TENM3: variants seen among roughly 807,000 people sequenced by gnomAD.
The protein encoded by TENM3 is teneurin-3.
TENM3 carries 63 observed loss-of-function variants against 255.1 expected under a neutral mutation model. The observed-to-expected ratio is 0.25, with a 90% CI of 0.20 to 0.30. TENM3 has a LOEUF of 0.30. Among genes scored for constraint, TENM3 ranks in the 10% least tolerant of loss-of-function variants. TENM3 has a pLI of 1.00. For missense variants in TENM3, 2,929 were observed against 3,461.1 expected, an observed-to-expected ratio of 0.85 and a Z score of 3.86; for synonymous variants, 1,306 against 1,322.3, an observed-to-expected ratio of 0.99 and a Z score of 0.27.
At chr4:181,693,877 C>A in the TENM3 span, among the ~76,000 whole-genome samples, 4 of 152,120 alleles carry the variant, frequency 2.6e-5, no homozygotes, top group Admixed American at 1.3e-4. Context: ...GATAAACCTA[C>A]GTGGACCTAG....
At chr4:182,108,254 G>A in the TENM3 span, among the ~76,000 whole-genome samples, 3 of 152,238 alleles carry the variant, frequency 2.0e-5, no homozygotes, top group Non-Finnish European at 2.9e-5. Context: ...TATAGAAAAC[G>A]TTTATCTGCT....
chr4:181,658,423 A>G, the TENM3 span, among the ~76,000 whole-genome samples: 1 of 152,206 alleles, frequency 6.6e-6, no homozygotes, highest in East Asian at 1.9e-4. Context: ...TCTCAAGTGT[A>G]CTGGGGCAAC....
chr4:182,035,784 C>T, the TENM3 span, among the ~76,000 whole-genome samples: 32 of 152,228 alleles, frequency 2.1e-4, no homozygotes, highest in Admixed American at 1.7e-3. Flanking sequence ...AACATGATGA[C>T]GATGTCTCCT....
At chr4:181,491,571 G>A in the TENM3 span, among the ~76,000 whole-genome samples, 1 of 151,954 alleles carries the variant, frequency 6.6e-6, no homozygotes, top group Admixed American at 6.6e-5. Flanking sequence ...GTAAGGAACA[G>A]GTAGTATTTC....
chr4:181,885,228 A>C, the TENM3 span, among the ~76,000 whole-genome samples: 2 of 152,196 alleles, frequency 1.3e-5, no homozygotes, highest in African/African-American at 4.8e-5. Context: ...CTAAGCAAAA[A>C]CTATACAAAA....
chr4:182,536,231 G>A (rs1740299066), intron 3 of TENM3, among the ~76,000 whole-genome samples: 1 of 152,236 alleles, frequency 6.6e-6, no homozygotes, highest in African/African-American at 2.4e-5. Context: ...GGGGCAACCA[G>A]TGTCAACTGG....
At chr4:182,628,119 T>C (rs945289454) in intron 4 of TENM3, among the ~76,000 whole-genome samples, 2 of 152,178 alleles carry the variant, frequency 1.3e-5, no homozygotes, top group Non-Finnish European at 2.9e-5. Flanking sequence ...ATAGTACTTA[T>C]TAGCAGAGAA....
the TENM3 span, among the ~76,000 whole-genome samples, chr4:181,456,366 C>T: frequency 6.6e-6 from 1 of 151,678 alleles, no homozygotes; most frequent in Admixed American, 6.6e-5. Flanking sequence ...AGTTCTTAAC[C>T]GATTTGTTCT....
At chr4:182,125,975 C>T in the TENM3 span, among the ~76,000 whole-genome samples, 2 of 151,858 alleles carry the variant, frequency 1.3e-5, no homozygotes, top group African/African-American at 4.8e-5. Context: ...TCTAATTCAC[C>T]CTTTTCCTTT....
intron 3 of TENM3, among the ~76,000 whole-genome samples, chr4:182,568,608 A>G (rs1248762346): frequency 6.6e-6 from 1 of 152,208 alleles, no homozygotes; most frequent in East Asian, 1.9e-4. Flanking sequence ...AGTTGTCTAT[A>G]AAGTTAAACA....
At chr4:182,593,128 C>T (rs1746838329) in intron 3 of TENM3, among the ~76,000 whole-genome samples, 1 of 152,150 alleles carries the variant, frequency 6.6e-6, no homozygotes, top group Admixed American at 6.5e-5. Context: ...ACCTAGATTA[C>T]CTGACAACTC....
chr4:182,513,002 C>A (rs1452167675), intron 3 of TENM3, among the ~76,000 whole-genome samples: 1 of 152,108 alleles, frequency 6.6e-6, no homozygotes, highest in Non-Finnish European at 1.5e-5. Flanking sequence ...AACGTTTTGG[C>A]ATTTTGAGTC....
the TENM3 span, among the ~76,000 whole-genome samples, chr4:181,625,822 AT>A: frequency 0.074 from 10,545 of 141,618 alleles, 421 homozygotes; most frequent in East Asian, 0.14. Flanking sequence ...TCAAAAAAAA[AT>A]AATAATAATA....
At chr4:181,970,932 C>T in the TENM3 span, among the ~76,000 whole-genome samples, 1 of 152,074 alleles carries the variant, frequency 6.6e-6, no homozygotes, top group Non-Finnish European at 1.5e-5. Context: ...TGCTACAGTT[C>T]CAATATTGGC....
the TENM3 span, among the ~76,000 whole-genome samples, chr4:181,608,814 G>A: frequency 1.3e-5 from 2 of 152,140 alleles, no homozygotes; most frequent in African/African-American, 4.8e-5. Flanking sequence ...TAGTTGATTG[G>A]GATGGAGCCT....
chr4:182,519,346 C>T (rs1278795195), intron 3 of TENM3, among the ~76,000 whole-genome samples: 1 of 152,110 alleles, frequency 6.6e-6, no homozygotes, highest in Non-Finnish European at 1.5e-5. Context: ...ATTTATATCT[C>T]TGTTGGAAAG....
the TENM3 span, among the ~76,000 whole-genome samples, chr4:181,655,142 A>G: frequency 1.3e-5 from 2 of 152,200 alleles, no homozygotes; most frequent in Non-Finnish European, 2.9e-5. Flanking sequence ...GAATCATCCA[A>G]ATAAGAGAAG....
At chr4:181,485,636 G>T in the TENM3 span, among the ~76,000 whole-genome samples, 1 of 152,024 alleles carries the variant, frequency 6.6e-6, no homozygotes, top group East Asian at 1.9e-4. Flanking sequence ...ATTCTAGGTA[G>T]GTAATACGGA....
At chr4:182,621,617 ATATATATAAAATATATAATATATAATAC>A (rs1750162068) in intron 4 of TENM3, among the ~76,000 whole-genome samples, 3 of 102,390 alleles carry the variant, frequency 2.9e-5, no homozygotes, top group African/African-American at 3.8e-5. Context: ...ATATATAAAT[ATATATATAAAATATATAATATATAATAC>A]ATATTATAAT....
Sources: allele counts gnomAD v4.1 joint callset (sites outside exome capture counted in the v4.1 genomes callset), GRCh38; gene constraint gnomAD v4.1.1; transcripts MANE v1.5; gene names NCBI Gene and HGNC (gene_info 2026-07-23, HGNC 2026-07-21).